The following CYP27C1 variants were observed in gnomAD, a reference collection of about 807,000 sequenced individuals.
CYP27C1 encodes cytochrome P450 family 27 subfamily C member 1.
Under a neutral mutation model 40.6 loss-of-function variants are expected in CYP27C1, and 29 were observed. The observed-to-expected ratio is 0.71, with a 90% CI of 0.53 to 0.97. The LOEUF (loss-of-function observed/expected upper bound fraction) is 0.97. Among genes scored for constraint, CYP27C1 ranks in the 50% least tolerant of loss-of-function variants. The pLI is 0.00. For missense variants in CYP27C1, 390 were observed against 485.8 expected (o/e 0.80, Z 1.85); for synonymous variants, 198 against 186.8 (o/e 1.06, Z -0.49).
At chr2:127,192,624 G>A (rs59480446) in intron 8 of CYP27C1, among the ~76,000 whole-genome samples, 6 of 137,828 alleles carry the variant, frequency 4.4e-5, no homozygotes, top group African/African-American at 8.0e-5. Context: ...TTTCCCGGGG[G>A]GGGGGGCTGC....
intron 1 of CYP27C1, among the ~76,000 whole-genome samples, chr2:127,215,591 C>G (rs910735963): frequency 6.6e-6 from 1 of 152,072 alleles, no homozygotes; most frequent in Non-Finnish European, 1.5e-5. Flanking sequence ...AAAACAAGGC[C>G]GGCCATAATG....
rs764288807 is a variant in CYP27C1, at chr2:127,187,278, C to G, written c.1607G>C (p.Arg536Thr). Residue 536 changes from arginine (R) to threonine (T), a missense_variant, in exon 9 of 9, where the codon AGA becomes ACA. Arg to Thr is a moderately conservative substitution (Grantham distance 71). Coordinates refer to ENST00000664447, the MANE Select transcript of CYP27C1 (RefSeq NM_001367502.1). ...CAGGTTTAAAATCTAGGCTTACTTT[C>G]TGTTAACAAATCGCACGTGGATGGG... ...GGPIHVRFVN[R>T]K 11 of 1,614,060 alleles carry G rather than the reference C, an allele frequency of 6.8e-6. No individual in the cohort carries two copies. Among genetic ancestry groups the G allele is most frequent in the Non-Finnish European group, 9.3e-6 (11 of 1,179,922 alleles).
In CYP27C1 at chr2:127,201,583, G is replaced by A. The variant is rs536977447; in HGVS notation, c.674-252C>T. 2.6e-4 allele frequency among the ~76,000 whole-genome samples: 40 copies of A among 152,278 alleles called. 1 individual carries two copies. The highest frequency in any genetic ancestry group is 9.4e-4 in the African/African-American group (39 of 41,544). On this transcript the variant is annotated intron_variant, in intron 3 of 8. Transcript: ENST00000664447. The surrounding 1 kb of genome is among the most constrained non-coding windows in gnomAD (Gnocchi z 6.0). ...GCACAGATGAAGAAGCCCACTCTCTGGAGGAAATTCGAAGACTCTGAGAGT... is the reference window on the plus strand; with the variant it reads ...GCACAGATGAAGAAGCCCACTCTCTAGAGGAAATTCGAAGACTCTGAGAGT...
chr2:127,204,844 T>C (rs1683189684), intron 2 of CYP27C1, among the ~76,000 whole-genome samples: 1 of 152,090 alleles, frequency 6.6e-6, no homozygotes, highest in Admixed American at 6.5e-5. Context: ...GAGCCTCAAG[T>C]GCCCACGAGC....
chr2:127,199,100 C>T (rs1682971093), intron 5 of CYP27C1, among the ~76,000 whole-genome samples: 1 of 152,220 alleles, frequency 6.6e-6, no homozygotes, highest in Admixed American at 6.5e-5. Flanking sequence ...GCCTGGCCAA[C>T]ATGGTGAAAC....
In CYP27C1 at chr2:127,193,246, G is replaced by A. The variant is rs1460131771; in HGVS notation, c.1345C>T (p.Pro449Ser). 6.2e-7 allele frequency: 1 copy of A among 1,614,214 alleles called. No individual in the cohort carries two copies. Among genetic ancestry groups the A allele is most frequent in the African/African-American group, 1.3e-5 (1 of 75,058 alleles). ...TCAGGCCGGAACTCCTTGGCCCGAG[G>A]GAAGTTCTCATCCTGGTACGATGTG... ...YATSYQDENFPRAKEFRPERW... is the reference protein window; with the variant it reads ...YATSYQDENFSRAKEFRPERW... The change falls in exon 8 of 9, where the codon CCT becomes TCT. Residue 449 changes from proline (P) to serine (S), a missense_variant. Transcript: ENST00000664447.
rs778974779 is a variant in CYP27C1 at position 127,199,431 on chromosome 2, G to C, written c.992C>G (p.Thr331Arg). 1 of 1,614,202 alleles carries C rather than the reference G, an allele frequency of 6.2e-7. No homozygotes were observed. Among genetic ancestry groups the C allele is most frequent in the South Asian group, 1.1e-5 (1 of 91,078 alleles). ...CACGTTGGCGTAGATCTCCTGCAGC[G>C]TCAGAGCCTGGCTAAGGAAGAGGTA... ...LTYLFLSQALTLQEIYANVTE... is the reference protein window; with the variant it reads ...LTYLFLSQALRLQEIYANVTE... Residue 331 changes from threonine (T) to arginine (R), a missense_variant, in exon 5 of 9, where the codon ACG becomes AGG. Coordinates refer to ENST00000664447, the MANE Select transcript of CYP27C1 (RefSeq NM_001367502.1).
chr2:127,193,684 A>G (rs2104677276), intron 7 of CYP27C1, 105 bp downstream of exon 7: 3 of 1,208,968 alleles, frequency 2.5e-6, no homozygotes, highest in Non-Finnish European at 3.6e-6. Context: ...AGAAAAGGAA[A>G]CCTATTGATC....
chr2:127,204,617 G>GAAAGAA (rs1683182493), intron 2 of CYP27C1, among the ~76,000 whole-genome samples: 1 of 103,716 alleles, frequency 9.6e-6, no homozygotes, highest in Non-Finnish European at 2.0e-5. Context: ...AAGAAAGAAA[G>GAAAGAA]AAAGAAAGAA....
At chr2:127,204,547 G>GAAAGAAAGAAAGAAAGAA (rs1307427882) in intron 2 of CYP27C1, among the ~76,000 whole-genome samples, 1 of 64,806 alleles carries the variant, frequency 1.5e-5, no homozygotes, top group African/African-American at 6.3e-5. Flanking sequence ...GAGAGAGAGA[G>GAAAGAAAGAAAGAAAGAA]AGAGAGAGAG....
At chr2:127,203,290 A>C in intron 3 of CYP27C1, 82 bp downstream of exon 3, 1 of 1,498,254 alleles carries the variant, frequency 6.7e-7, no homozygotes, top group Non-Finnish European at 9.1e-7. Context: ...CCTGGGACCC[A>C]GGGAATGATC....
intron 1 of CYP27C1, among the ~76,000 whole-genome samples, chr2:127,212,381 C>T (rs537900513): frequency 2.6e-5 from 4 of 152,280 alleles, no homozygotes; most frequent in South Asian, 4.1e-4. Flanking sequence ...AAACTTCAGG[C>T]CAATATCCCT....
intron 8 of CYP27C1, among the ~76,000 whole-genome samples, chr2:127,189,514 A>T (rs1682713927): frequency 6.6e-6 from 1 of 152,030 alleles, no homozygotes; most frequent in South Asian, 2.1e-4. Context: ...GTGGGGCTTA[A>T]AACCTAGTGG....
chr2:127,204,485 A>AAAGAAAGAAAGGAAGGAAGGAAGG (rs1336827282), intron 2 of CYP27C1, among the ~76,000 whole-genome samples: 2 of 60,208 alleles, frequency 3.3e-5, no homozygotes, highest in African/African-American at 1.4e-4. Flanking sequence ...AGAAAGAAAG[A>AAAGAAAGAAAGGAAGGAAGGAAGG]AAGGAAGGAA....
intron 1 of CYP27C1, among the ~76,000 whole-genome samples, chr2:127,207,416 C>G (rs1446303159): frequency 6.6e-6 from 1 of 152,154 alleles, no homozygotes; most frequent in Non-Finnish European, 1.5e-5. Flanking sequence ...ATCGCTTGAA[C>G]CCAGGAGGCA....
chr2:127,200,335 T>C lies in CYP27C1; in HGVS notation c.883+787A>G, dbSNP rs1683005670. On this transcript the variant is annotated intron_variant, in intron 4 of 8. Transcript: ENST00000664447. This position sits in a 1 kb window ranked among gnomAD's most constrained non-coding sequence, Gnocchi z 4.2. ...ACACTTTATTCAGTGTTAGCATTGC[T>C]CTAGAACATTGTTCTAAGCATTTTG... is the stretch of plus-strand genomic sequence containing the variant. Among the ~76,000 whole-genome samples the C allele has an allele frequency of 6.6e-6, 1 of 152,222 alleles. No individual in the cohort carries two copies. The highest frequency in any genetic ancestry group is 1.5e-5 in the Non-Finnish European group (1 of 68,030).
At position 127,210,358 on chromosome 2, in the gene CYP27C1, G is replaced by A. The variant is rs117654187; in HGVS notation, c.283-4268C>T. Among the ~76,000 whole-genome samples, 210 of 152,252 alleles carry A rather than the reference G, an allele frequency of 1.4e-3. 9 individuals are homozygous for A. The East Asian group carries it at 0.035, about 25-fold the overall frequency. ...GTCTGCCATGCAAGAGCTCCTAAAA[G>A]AAGCACCAAATAAGTAAAGGAAAAA... On this transcript the variant is annotated intron_variant, in intron 1 of 8. Transcript: ENST00000664447.
Position 127,201,122 on chromosome 2 carries a change from T to C in CYP27C1, c.883A>G (p.Ser295Gly), listed in dbSNP as rs1169379906. The C allele has an allele frequency of 6.2e-7, 1 of 1,612,164 alleles. No individual in the cohort carries two copies. The change falls in exon 4 of 9, where the codon AGC becomes GGC. Residue 295 changes from serine (S) to glycine (G), a missense_variant and splice_region_variant. Coordinates refer to ENST00000664447, the MANE Select transcript of CYP27C1 (RefSeq NM_001367502.1). The surrounding 1 kb of genome is among the most constrained non-coding windows in gnomAD (Gnocchi z 6.0). ...CRSWDGLFKF[S>G]QIHVDNKLRD... ...AAGGTGCTCTCAATTCTTCTCTTAC[T>C]GAATTTGAAGAGTCCATCCCAGGAC... is the stretch of plus-strand genomic sequence containing the variant.
chr2:127,188,425 A>T (rs1682687573), intron 8 of CYP27C1, among the ~76,000 whole-genome samples: 1 of 152,112 alleles, frequency 6.6e-6, no homozygotes, highest in Admixed American at 6.6e-5. Flanking sequence ...TTTCATAGAA[A>T]CAAAGACTCG....
Sources: gnomAD v4.1 joint callset for allele counts (sites outside exome capture counted in the v4.1 genomes callset) on GRCh38, gnomAD v4.1.1 for gene constraint, Gnocchi (gnomAD v3.1) non-coding constraint, MANE v1.5 for transcripts, NCBI Gene and HGNC (gene_info 2026-07-23, HGNC 2026-07-21) for gene names.